The following TCF4 variants were observed in gnomAD, a reference collection of about 807,000 sequenced individuals.
TCF4 encodes transcription factor 4.
Under a neutral mutation model 82.1 loss-of-function variants are expected in TCF4, and 3 were observed. That is an observed-to-expected ratio of 0.04 (90% confidence interval 0.02 to 0.09). The LOEUF (loss-of-function observed/expected upper bound fraction) is 0.09. Among genes scored for constraint, TCF4 ranks in the 10% least tolerant of loss-of-function variants. The pLI, the probability that TCF4 is intolerant of heterozygous loss-of-function variation, is 1.00. For synonymous variants in TCF4, 276 were observed against 309.6 expected (o/e 0.89, Z 1.14); for missense variants, 518 against 852.7 (o/e 0.61, Z 4.89).
At chr18:55,302,614 A>G in intron 8 of TCF4, 1 of 1,523,744 alleles carries the variant, frequency 6.6e-7, no homozygotes, top group Non-Finnish European at 8.8e-7. Flanking sequence ...TTCATGCTGG[A>G]TATATGAAAC....
intron 1 of TCF4, among the ~76,000 whole-genome samples, chr18:55,632,444 G>A (rs956476803): frequency 4.6e-5 from 7 of 152,178 alleles, no homozygotes; most frequent in African/African-American, 1.4e-4. Flanking sequence ...CAATATTCAG[G>A]GAGACGATGG....
At chr18:55,376,968 G>A (rs1332671963) in intron 6 of TCF4, among the ~76,000 whole-genome samples, 2 of 152,186 alleles carry the variant, frequency 1.3e-5, no homozygotes, top group Non-Finnish European at 2.9e-5. Context: ...AACGTGGCCA[G>A]TAGGAAAGGC....
intron 5 of TCF4, among the ~76,000 whole-genome samples, chr18:55,444,334 T>C (rs968744357): frequency 3.3e-5 from 5 of 152,336 alleles, no homozygotes; most frequent in Middle Eastern, 3.4e-3. Context: ...AGATCCACTA[T>C]TGATCAAACC....
chr18:55,498,896 T>C (rs1279572302), intron 3 of TCF4, among the ~76,000 whole-genome samples: 1 of 152,152 alleles, frequency 6.6e-6, no homozygotes, highest in Admixed American at 6.5e-5. Context: ...AAGTACCCCT[T>C]AAAATACCCC....
intron 5 of TCF4, among the ~76,000 whole-genome samples, chr18:55,421,945 TG>T (rs1433787084): frequency 6.6e-6 from 1 of 152,156 alleles, no homozygotes; most frequent in Non-Finnish European, 1.5e-5. Context: ...ATCTCTGCTC[TG>T]GGGTTTCTGG....
chr18:55,231,831 T>A (rs183226102), intron 17 of TCF4: 1 of 152,376 alleles, frequency 6.6e-6, no homozygotes, highest in South Asian at 2.1e-4. Flanking sequence ...CTTAGGACAA[T>A]TGGTTGAATT....
At chr18:55,527,459 C>G (rs1177402563) in intron 3 of TCF4, among the ~76,000 whole-genome samples, 6 of 152,156 alleles carry the variant, frequency 3.9e-5, no homozygotes, top group Non-Finnish European at 8.8e-5. Flanking sequence ...ACGGAGGAAG[C>G]AGACCAAAAA....
intron 3 of TCF4, among the ~76,000 whole-genome samples, chr18:55,568,592 CAATATT>C (rs2097431025): frequency 2.0e-5 from 3 of 151,844 alleles, no homozygotes; most frequent in Non-Finnish European, 1.5e-5. Flanking sequence ...CTCTCACTCT[CAATATT>C]ATTATATTTA....
intron 3 of TCF4, among the ~76,000 whole-genome samples, chr18:55,476,808 A>G (rs2096299465): frequency 6.6e-6 from 1 of 152,130 alleles, no homozygotes; most frequent in South Asian, 2.1e-4. Flanking sequence ...GTGCTGACAT[A>G]TTTCAACTGT....
chr18:55,252,358 TTG>T (rs3831430), intron 15 of TCF4, among the ~76,000 whole-genome samples: 34 of 149,660 alleles, frequency 2.3e-4, no homozygotes, highest in Admixed American at 4.7e-4. Context: ...TTTATTGCTT[TTG>T]TGTGTGTGTG....
chr18:55,324,761 C>G (rs762933996), intron 8 of TCF4, among the ~76,000 whole-genome samples: 1 of 152,088 alleles, frequency 6.6e-6, no homozygotes, highest in African/African-American at 2.4e-5. Context: ...AAGCCACCAT[C>G]CCTCTCTGGT....
At chr18:55,328,888 C>G (rs1478774943) in intron 8 of TCF4, among the ~76,000 whole-genome samples, 8 of 152,224 alleles carry the variant, frequency 5.3e-5, no homozygotes, top group Middle Eastern at 6.8e-3. Flanking sequence ...AACTAATTAT[C>G]TAGGGTTTAT....
chr18:55,260,138 ATACATG>A, intron 12 of TCF4, 111 bp from the exon 13 acceptor site: 1 of 779,124 alleles, frequency 1.3e-6, no homozygotes, highest in South Asian at 1.5e-5. Context: ...AAGTTACAGC[ATACATG>A]TAATAATCAA....
intron 3 of TCF4, among the ~76,000 whole-genome samples, chr18:55,474,948 C>T (rs992923024): frequency 7.9e-5 from 12 of 152,260 alleles, no homozygotes; most frequent in Middle Eastern, 3.4e-3. Flanking sequence ...TTTTCAATTA[C>T]AGTGCAGTTA....
intron 8 of TCF4, among the ~76,000 whole-genome samples, chr18:55,302,202 G>A (rs2068544410): frequency 6.6e-6 from 1 of 152,222 alleles, no homozygotes; most frequent in Non-Finnish European, 1.5e-5. Flanking sequence ...ATGACAGTCA[G>A]CACCAATCCA....
At chr18:55,258,924 C>T (rs749907407) in intron 13 of TCF4, among the ~76,000 whole-genome samples, 2 of 152,128 alleles carry the variant, frequency 1.3e-5, no homozygotes, top group Non-Finnish European at 2.9e-5. Flanking sequence ...AGTTTCAACG[C>T]GGTCTCTCTG....
At chr18:55,588,840 GAA>G (rs879803383), upstream of TCF4, among the ~76,000 whole-genome samples, 1 of 141,546 alleles carries the variant, frequency 7.1e-6, no homozygotes. Flanking sequence ...TGCAAACTTC[GAA>G]AAAAAAAAAG....
At chr18:55,448,310 AAACTTT>A (rs2095561699) in intron 5 of TCF4, among the ~76,000 whole-genome samples, 1 of 152,202 alleles carries the variant, frequency 6.6e-6, no homozygotes, top group Non-Finnish European at 1.5e-5. Context: ...TGCTCTGATA[AAACTTT>A]AACAGGTGCT....
intron 1 of TCF4, among the ~76,000 whole-genome samples, chr18:55,634,600 T>C (rs2097734485): frequency 6.6e-6 from 1 of 152,184 alleles, no homozygotes; most frequent in African/African-American, 2.4e-5. Context: ...TGAAGGGCAT[T>C]GGATGCCACG....
Sources: gnomAD v4.1 joint callset for allele counts (sites outside exome capture counted in the v4.1 genomes callset) on GRCh38, gnomAD v4.1.1 for gene constraint, MANE v1.5 for transcripts, NCBI Gene and HGNC (gene_info 2026-07-23, HGNC 2026-07-21) for gene names.